Variants in MRPL35 observed in about 807,000 individuals in gnomAD.
MRPL35 encodes mitochondrial ribosomal protein L35, also known as large ribosomal subunit protein bL35m.
MRPL35 carries 18 observed loss-of-function variants against 21.6 expected under a neutral mutation model. That is an observed-to-expected ratio of 0.83 (90% CI 0.58 to 1.24). The LOEUF is 1.24. MRPL35 is among the 50% of genes most tolerant of loss of function. The pLI is 0.00. For synonymous variants in MRPL35, 87 were observed against 86.9 expected, an observed-to-expected ratio of 1.00 and a Z score of -0.01; for missense variants, 223 against 223.2, an observed-to-expected ratio of 1.00 and a Z score of 0.01.
chr2:86,201,119 A>C (rs1292435277), intron 1 of MRPL35, among the ~76,000 whole-genome samples: 2 of 152,222 alleles, frequency 1.3e-5, no homozygotes. Flanking sequence ...GCCTGGTCAG[A>C]GAATATGTAT....
intron 1 of MRPL35, among the ~76,000 whole-genome samples, chr2:86,203,641 A>G (rs529634503): frequency 5.6e-4 from 85 of 152,326 alleles, no homozygotes; most frequent in African/African-American, 2.0e-3. Flanking sequence ...CATCTTTGCT[A>G]AGTATCCCTC....
chr2:86,207,204 T>C lies in MRPL35; in HGVS notation c.255T>C (p.Ser85=), dbSNP rs1293308426. The stretch of plus-strand genomic sequence containing the variant: ...TTAGAATGGCCCCCGTGCTTCCAAG[T>C]GTCCTGAAGCTGCCAGTCAGATCTC... ...ILNRMAPVLP[S]VLKLPVRSLT... The change falls in exon 3 of 4, where the codon AGT becomes AGC. Residue 85 remains serine (S), a synonymous_variant. Coordinates refer to ENST00000337109, the MANE Select transcript of MRPL35 (RefSeq NM_016622.4). The C allele has an allele frequency of 8.1e-6, 13 of 1,612,684 alleles. No homozygotes were observed. The highest frequency in any genetic ancestry group is 1.3e-5 in the African/African-American group (1 of 74,964).
intron 2 of MRPL35, among the ~76,000 whole-genome samples, chr2:86,206,692 G>A (rs1012239685): frequency 6.6e-6 from 1 of 152,174 alleles, no homozygotes; most frequent in African/African-American, 2.4e-5. Flanking sequence ...GCAGGAAAAT[G>A]CCAAACACAG....
Position 86,210,752 on chromosome 2 carries a change from G to C in MRPL35, c.*84G>C. The C allele has an allele frequency of 6.8e-7, 1 of 1,466,578 alleles. No homozygotes were observed. The highest frequency in any genetic ancestry group is 9.1e-7 in the Non-Finnish European group (1 of 1,104,530). The allele number at this position is 1,466,578 out of a possible 1,614,324, so 90.8% of individuals were successfully genotyped here. On this transcript the variant is annotated 3_prime_UTR_variant, in exon 4 of 4. Transcript: ENST00000337109. Reference sequence around the variant, plus strand: ...GCAAAAATGGATAAGTACAAAACTTGATGTAAATTGTACCAATGAATACGT... The same window carrying C: ...GCAAAAATGGATAAGTACAAAACTTCATGTAAATTGTACCAATGAATACGT...
intron 1 of MRPL35, among the ~76,000 whole-genome samples, chr2:86,201,103 G>C (rs1673676704): frequency 6.6e-6 from 1 of 152,174 alleles, no homozygotes; most frequent in Admixed American, 6.5e-5. Flanking sequence ...AAATCGCTGT[G>C]GAATTGCCTG....
At chr2:86,205,638 C>T (rs1425215774) in intron 1 of MRPL35, among the ~76,000 whole-genome samples, 1 of 152,176 alleles carries the variant, frequency 6.6e-6, no homozygotes, top group East Asian at 1.9e-4. Context: ...CTTCTAAGGG[C>T]CTGCTCACTT....
chr2:86,213,734 GCTAC>G lies in MRPL35; in HGVS notation c.*3070_*3073del. ...ACCAGTGGACTATTCTATTTTCACA[GCTAC>G]CTAGTTTCTGCCGATGATTTTTTTA... On this transcript the variant is annotated 3_prime_UTR_variant, in exon 4 of 4. Coordinates refer to ENST00000337109, the MANE Select transcript of MRPL35 (RefSeq NM_016622.4). The G allele has an allele frequency of 6.8e-7, 1 of 1,479,876 alleles. No individual in the cohort carries two copies. Among genetic ancestry groups the G allele is most frequent in the Non-Finnish European group, 9.2e-7 (1 of 1,086,528 alleles). 91.7% of individuals were successfully genotyped at this position (1,479,876 alleles called of 1,614,324 possible).
rs1050888126 is a variant in MRPL35 at position 86,211,831 on chromosome 2, C to T, written c.*1163C>T. ...TATTTCTTAAAAGTTAGTTTATCCA[C>T]TTCAGATTTCATGTTTTCATTTGTA... On this transcript the variant is annotated 3_prime_UTR_variant, in exon 4 of 4. Transcript: ENST00000337109. 5 of 985,398 alleles carry T rather than the reference C, an allele frequency of 5.1e-6. No homozygotes were observed. In the East Asian group the frequency reaches 3.4e-4, roughly 67 times the overall value. 61.0% of individuals were successfully genotyped at this position (985,398 alleles called of 1,614,324 possible). A position where few individuals can be genotyped will look rare whatever the true frequency, so the allele number is the denominator to read the frequency against.
At position 86,211,605 on chromosome 2, in the gene MRPL35, T is replaced by G. The variant is rs1176904826; in HGVS notation, c.*937T>G. 1.1e-5 allele frequency: 11 copies of G among 985,336 alleles called. No homozygotes were observed. The highest frequency in any genetic ancestry group is 1.2e-6 in the Non-Finnish European group (1 of 829,950). The allele number at this position is 985,336 out of a possible 1,614,324, so 61.0% of individuals were successfully genotyped here. A position where few individuals can be genotyped will look rare whatever the true frequency, so the allele number is the denominator to read the frequency against. On this transcript the variant is annotated 3_prime_UTR_variant, in exon 4 of 4. Transcript: ENST00000337109. ...GTAAATAGCCCTTCAGCATGCTCAT[T>G]CATGAAACAGAAGAGGCTGTACAAG...
chr2:86,199,698 C>G (rs1673648000), intron 1 of MRPL35, among the ~76,000 whole-genome samples, 165 bp downstream of exon 1: 1 of 152,216 alleles, frequency 6.6e-6, no homozygotes, highest in Admixed American at 6.5e-5. Context: ...GCAGCCCGTA[C>G]CAAGTCCCCC....
chr2:86,205,058 G>T (rs1573970588), intron 1 of MRPL35, among the ~76,000 whole-genome samples: 1 of 152,030 alleles, frequency 6.6e-6, no homozygotes, highest in East Asian at 1.9e-4. Flanking sequence ...GGGCAACATG[G>T]CAAAATTCTG....
rs774621247 is a variant in MRPL35 at position 86,213,582 on chromosome 2, G to A, written c.*2914G>A. 1.9e-6 allele frequency: 3 copies of A among 1,546,694 alleles called. No homozygotes were observed. On this transcript the variant is annotated 3_prime_UTR_variant, in exon 4 of 4. Coordinates refer to ENST00000337109, the MANE Select transcript of MRPL35 (RefSeq NM_016622.4). Reference sequence around the variant, plus strand: ...TCAGATGTGAAAGGTAAGGGCTGCAGCAGGTTTAAGGGTGGCCCTTCACCA... The same window carrying A: ...TCAGATGTGAAAGGTAAGGGCTGCAACAGGTTTAAGGGTGGCCCTTCACCA...
chr2:86,209,655 C>A (rs532008300), intron 3 of MRPL35, among the ~76,000 whole-genome samples: 8 of 152,142 alleles, frequency 5.3e-5, no homozygotes, highest in African/African-American at 1.9e-4. Flanking sequence ...AAAAATTGGT[C>A]CCTTGTGTGT....
Position 86,211,214 on chromosome 2 carries a change from A to C in MRPL35, c.*546A>C. The C allele has an allele frequency of 2.4e-5, 23 of 964,446 alleles. No homozygotes were observed. The highest frequency in any genetic ancestry group is 2.7e-5 in the Non-Finnish European group (22 of 810,972). The allele number at this position is 964,446 out of a possible 1,614,324, so 59.7% of individuals were successfully genotyped here. ...TCTCTCTATTCACCAACTTCTCTAC[A>C]CAGCTTTTGCATACTTACAGTTTCT... On this transcript the variant is annotated 3_prime_UTR_variant, in exon 4 of 4. Transcript: ENST00000337109.
intron 3 of MRPL35, among the ~76,000 whole-genome samples, chr2:86,209,401 A>C (rs1673859557): frequency 6.6e-6 from 1 of 152,238 alleles, no homozygotes; most frequent in African/African-American, 2.4e-5. Context: ...GTGTGGTTTT[A>C]GCCAGATGTT....
At chr2:86,206,402 A>C in intron 2 of MRPL35, 107 bp downstream of exon 2, 1 of 1,028,872 alleles carries the variant, frequency 9.7e-7, no homozygotes, top group Non-Finnish European at 1.4e-6. Flanking sequence ...GTGCATTCTC[A>C]GCTCACTGCA....
rs750434412 is a variant in MRPL35 at position 86,213,238 on chromosome 2, A to C, written c.*2570A>C. On this transcript the variant is annotated 3_prime_UTR_variant, in exon 4 of 4. Transcript: ENST00000337109. ...AAACACTTCTTCATAACACTGTACC[A>C]ATTCAGCTTTTAAATTTTATTACTT... is the stretch of plus-strand genomic sequence containing the variant. The C allele has an allele frequency of 1.4e-5, 14 of 1,027,020 alleles. No homozygotes were observed. Among genetic ancestry groups the C allele is most frequent in the African/African-American group, 1.7e-5 (1 of 58,836 alleles). 63.6% of individuals were successfully genotyped at this position (1,027,020 alleles called of 1,614,324 possible). A position where few individuals can be genotyped will look rare whatever the true frequency, so the allele number is the denominator to read the frequency against.
intron 1 of MRPL35, among the ~76,000 whole-genome samples, chr2:86,204,101 C>A (rs934025332): frequency 1.3e-5 from 2 of 152,038 alleles, no homozygotes; most frequent in Admixed American, 1.3e-4. Context: ...CTTCCTGCCT[C>A]AGCCTCCTGA....
intron 1 of MRPL35, among the ~76,000 whole-genome samples, chr2:86,205,831 T>A (rs1673777744): frequency 6.6e-6 from 1 of 152,208 alleles, no homozygotes; most frequent in South Asian, 2.1e-4. Flanking sequence ...ATCTCTTTTC[T>A]TAGTACTGGA....
Sources: gnomAD v4.1 joint callset for allele counts (sites outside exome capture counted in the v4.1 genomes callset) on GRCh38, gnomAD v4.1.1 for gene constraint, MANE v1.5 for transcripts, NCBI Gene and HGNC (gene_info 2026-07-23, HGNC 2026-07-21) for gene names.